Variants in CUL2 observed in about 807,000 individuals in gnomAD.
The protein encoded by CUL2 is cullin-2.
In CUL2, 22 loss-of-function variants were observed where a neutral mutation model predicts 110.2. That is an observed-to-expected ratio of 0.20 (90% CI 0.14 to 0.28). The LOEUF is 0.28. Among genes scored for constraint, CUL2 ranks in the 10% least tolerant of loss-of-function variants. The pLI is 1.00. For synonymous variants in CUL2, 279 were observed against 293.2 expected, an observed-to-expected ratio of 0.95 and a Z score of 0.49; for missense variants, 631 against 905.5, an observed-to-expected ratio of 0.70 and a Z score of 3.89.
chr10:35,091,489 T>G (rs1316876628), upstream of CUL2, among the ~76,000 whole-genome samples: 1 of 152,204 alleles, frequency 6.6e-6, no homozygotes, highest in Non-Finnish European at 1.5e-5. Flanking sequence ...GTGACCTTTT[T>G]TTCCTCCCAT....
intron 8 of CUL2, among the ~76,000 whole-genome samples, 156 bp downstream of exon 8, chr10:35,044,410 A>G (rs2134803119): frequency 1.3e-5 from 2 of 152,340 alleles, no homozygotes; most frequent in African/African-American, 4.8e-5. Context: ...AATCGATATT[A>G]TATAATAACT....
intron 20 of CUL2, 55 bp downstream of exon 20, chr10:35,011,793 G>A: frequency 2.3e-6 from 2 of 879,646 alleles, no homozygotes; most frequent in Non-Finnish European, 3.7e-6. Context: ...GACTGAATCT[G>A]TACAATGACA....
At chr10:35,096,467 G>C (rs567427818) in intron 2 of CUL2, among the ~76,000 whole-genome samples, 1 of 152,094 alleles carries the variant, frequency 6.6e-6, no homozygotes, top group African/African-American at 2.4e-5. Flanking sequence ...CAAAATAGCA[G>C]CTGGGTATGG....
chr10:35,013,568 A>C, intron 19 of CUL2, 131 bp downstream of exon 19: 1 of 589,942 alleles, frequency 1.7e-6, no homozygotes, highest in Non-Finnish European at 2.9e-6. Context: ...TGCCAACAAC[A>C]AACCAGAAAA....
At chr10:35,053,904 A>AGATGTATTAAAT (rs2086176634) in intron 5 of CUL2, among the ~76,000 whole-genome samples, 1 of 152,212 alleles carries the variant, frequency 6.6e-6, no homozygotes, top group African/African-American at 2.4e-5. Flanking sequence ...TACTCAATAA[A>AGATGTATTAAAT]GATGTATTAA....
At chr10:35,074,055 C>A (rs976862868) in intron 1 of CUL2, 13 of 857,626 alleles carry the variant, frequency 1.5e-5, no homozygotes, top group Admixed American at 1.4e-4. Context: ...TGCTACCTCA[C>A]TAACATGCTT....
chr10:35,036,657 G>A (rs557460606), intron 9 of CUL2, among the ~76,000 whole-genome samples: 4 of 152,248 alleles, frequency 2.6e-5, no homozygotes, highest in Admixed American at 2.0e-4. Flanking sequence ...CCTGTTTTTT[G>A]AGCATTTTAT....
At chr10:35,061,100 A>G in intron 3 of CUL2, 132 bp from the exon 4 acceptor site, 6 of 946,692 alleles carry the variant, frequency 6.3e-6, no homozygotes, top group Non-Finnish European at 9.2e-6. Context: ...TTTACACAAC[A>G]CATATTAACT....
At chr10:35,119,615 C>T (rs2087653536) in intron 1 of CUL2, among the ~76,000 whole-genome samples, 1 of 149,674 alleles carries the variant, frequency 6.7e-6, no homozygotes, top group South Asian at 2.1e-4. Flanking sequence ...TTTATAGAGA[C>T]AGGGTCTCAC....
At chr10:35,051,540 C>A (rs540753293) in intron 5 of CUL2, among the ~76,000 whole-genome samples, 8 of 149,082 alleles carry the variant, frequency 5.4e-5, no homozygotes, top group Admixed American at 5.3e-4. Context: ...GTGAACCGGC[C>A]GGGCGGAGCC....
chr10:35,096,197 G>A (rs2087297067), intron 2 of CUL2, among the ~76,000 whole-genome samples: 1 of 152,104 alleles, frequency 6.6e-6, no homozygotes. Context: ...TCAGTGAGTT[G>A]AGATCTTGCC....
At position 35,049,702 on chromosome 10, in the gene CUL2, G is replaced by C. The variant is rs1029193595; in HGVS notation, c.487C>G (p.Leu163Val). The change falls in exon 6 of 21, where the codon CTG becomes GTG. Residue 163 changes from leucine to valine, a missense_variant. Physicochemically the swap from Leu to Val is conservative, Grantham distance 32. Transcript: ENST00000374749. ...ACTCACTTTTTGATTTCTCGGAGCA[G>C]CATTCGGATAAGGATGGCCTGAAGT... ...EPLQAILIRM[L>V]LREIKNDRGG... The C allele has an allele frequency of 2.5e-6, 4 of 1,612,858 alleles. No homozygotes were observed. The highest frequency in any genetic ancestry group is 3.4e-6 in the Non-Finnish European group (4 of 1,179,232).
intron 1 of CUL2, among the ~76,000 whole-genome samples, chr10:35,126,279 G>A (rs540641320): frequency 5.9e-5 from 9 of 152,194 alleles, no homozygotes; most frequent in African/African-American, 1.7e-4. Flanking sequence ...TCAAATACTG[G>A]GATAAACTGC....
At chr10:35,069,565 A>AG (rs1231360050) in intron 2 of CUL2, among the ~76,000 whole-genome samples, 1 of 152,094 alleles carries the variant, frequency 6.6e-6, no homozygotes, top group East Asian at 1.9e-4. Flanking sequence ...TAAAAAAAAA[A>AG]AAAGGATAAC....
At chr10:35,040,734 G>C (rs569937768) in intron 8 of CUL2, among the ~76,000 whole-genome samples, 14 of 152,240 alleles carry the variant, frequency 9.2e-5, no homozygotes, top group South Asian at 6.2e-4. Context: ...ACGGAGTGCG[G>C]GCGGCATTGG....
At position 35,033,204 on chromosome 10, in the gene CUL2, A is replaced by C; in HGVS notation, c.1072T>G (p.Leu358Val). 1.9e-6 allele frequency: 3 copies of C among 1,613,716 alleles called. No homozygotes were observed. The highest frequency in any genetic ancestry group is 2.5e-6 in the Non-Finnish European group (3 of 1,179,810). The change falls in exon 11 of 21, where the codon TTG becomes GTG. Residue 358 changes from leucine (L) to valine (V), a missense_variant. Leu to Val is a conservative substitution (Grantham distance 32). Transcript: ENST00000374749. ...GKFVQLINTV[L>V]NGDQHFMSAL... ...CTCATAAAATGCTGATCACCATTCA[A>C]AACAGTGTTGATAAGCTGAACAAAT... is the stretch of plus-strand genomic sequence containing the variant.
At chr10:35,029,248 G>A (rs931423155) in intron 15 of CUL2, among the ~76,000 whole-genome samples, 4 of 152,040 alleles carry the variant, frequency 2.6e-5, no homozygotes, top group African/African-American at 7.2e-5. Context: ...AGTAGAGACG[G>A]GTTTTCACAT....
At chr10:35,118,425 C>G (rs192644308) in intron 1 of CUL2, 2 of 152,270 alleles carry the variant, frequency 1.3e-5, no homozygotes, top group South Asian at 4.1e-4. Context: ...TCTAATCTTC[C>G]GGTTCATGAG....
At chr10:35,013,269 C>T (rs1257625888) in intron 19 of CUL2, among the ~76,000 whole-genome samples, 4 of 148,270 alleles carry the variant, frequency 2.7e-5, no homozygotes, top group Admixed American at 6.8e-5. Flanking sequence ...GGCGTGAACC[C>T]GGGAGGCAGA....
Sources: gnomAD v4.1 joint callset for allele counts (sites outside exome capture counted in the v4.1 genomes callset) on GRCh38, gnomAD v4.1.1 for gene constraint, MANE v1.5 for transcripts, NCBI Gene and HGNC (gene_info 2026-07-23, HGNC 2026-07-21) for gene names.